Variants in PREX1 observed in about 807,000 individuals in gnomAD.
The protein encoded by PREX1 is phosphatidylinositol-3,4,5-trisphosphate dependent Rac exchange factor 1.
A neutral mutation model predicts 198.3 loss-of-function variants in PREX1; 41 were observed. That is an observed-to-expected ratio of 0.21 (90% CI 0.16 to 0.27). The LOEUF (loss-of-function observed/expected upper bound fraction) is 0.27. Ranked by LOEUF, PREX1 falls within the 10% of genes least tolerant of loss-of-function variation. The pLI is 1.00. For synonymous variants in PREX1, 843 were observed against 887.2 expected (o/e 0.95, Z 0.89); for missense variants, 1,620 against 2,200.7 (o/e 0.74, Z 5.28).
chr20:48,683,315 A>G (rs536804434), intron 10 of PREX1, among the ~76,000 whole-genome samples: 15 of 152,356 alleles, frequency 9.8e-5, no homozygotes, highest in African/African-American at 3.4e-4. Context: ...CCCAGAGGAC[A>G]GCAACTCTGC....
At chr20:48,830,883 C>A (rs577165170), upstream of PREX1, among the ~76,000 whole-genome samples, 70 of 152,310 alleles carry the variant, frequency 4.6e-4, no homozygotes, top group African/African-American at 1.3e-3. Context: ...TAAGTGAAGT[C>A]TTTTACAATG....
At chr20:48,750,993 T>C (rs1215413360) in intron 1 of PREX1, among the ~76,000 whole-genome samples, 11 of 152,162 alleles carry the variant, frequency 7.2e-5, no homozygotes, top group Admixed American at 7.2e-4. Flanking sequence ...TGTCATGGGA[T>C]AAAGTGAATG....
At chr20:48,668,388 T>C (rs970415766) in intron 14 of PREX1, among the ~76,000 whole-genome samples, 4 of 152,206 alleles carry the variant, frequency 2.6e-5, no homozygotes, top group African/African-American at 2.4e-5. Context: ...CCCTGCTCAA[T>C]AGCTGTCTGC....
At chr20:48,886,967 A>G in the PREX1 span, among the ~76,000 whole-genome samples, 1 of 152,180 alleles carries the variant, frequency 6.6e-6, no homozygotes. Context: ...CCCTTTAGCA[A>G]TATAGTATCT....
intron 1 of PREX1, among the ~76,000 whole-genome samples, chr20:48,754,017 C>T (rs181141758): frequency 6.6e-6 from 1 of 152,308 alleles, no homozygotes; most frequent in East Asian, 1.9e-4. Context: ...GTCTACGCAG[C>T]GCCTGGGACA....
intron 1 of PREX1, among the ~76,000 whole-genome samples, chr20:48,775,876 G>A (rs1039513342): frequency 5.3e-5 from 8 of 152,098 alleles, no homozygotes; most frequent in East Asian, 3.9e-4. Flanking sequence ...GCCCAGTGTC[G>A]GGTATGTCTT....
intron 1 of PREX1, among the ~76,000 whole-genome samples, chr20:48,752,457 G>A (rs944739904): frequency 6.6e-6 from 1 of 151,920 alleles, no homozygotes; most frequent in African/African-American, 2.4e-5. Context: ...ACACCACATC[G>A]AGCTGCCAGC....
At chr20:48,819,306 A>G (rs1187485173) in intron 1 of PREX1, among the ~76,000 whole-genome samples, 1 of 152,048 alleles carries the variant, frequency 6.6e-6, no homozygotes. Context: ...CTGTTCCTCA[A>G]ACAAGCCTGG....
chr20:48,841,037 C>A, the PREX1 span, among the ~76,000 whole-genome samples: 1 of 151,984 alleles, frequency 6.6e-6, no homozygotes, highest in Non-Finnish European at 1.5e-5. Flanking sequence ...TAGGCTCAAG[C>A]CTTAGCCTCC....
upstream of PREX1, among the ~76,000 whole-genome samples, chr20:48,830,806 ATAAAGTCGTTGCAAG>A (rs2090535660): frequency 6.6e-6 from 1 of 152,208 alleles, no homozygotes; most frequent in Admixed American, 6.5e-5. Context: ...TACCTACATC[ATAAAGTCGTTGCAAG>A]GTTCCTGAGT....
At chr20:48,699,526 C>T (rs1307101097) in intron 7 of PREX1, among the ~76,000 whole-genome samples, 1 of 152,070 alleles carries the variant, frequency 6.6e-6, no homozygotes, top group Non-Finnish European at 1.5e-5. Flanking sequence ...CCTAATTTCC[C>T]CTCTCTCCAA....
the PREX1 span, among the ~76,000 whole-genome samples, chr20:48,844,756 C>A: frequency 6.6e-6 from 1 of 152,150 alleles, no homozygotes; most frequent in Non-Finnish European, 1.5e-5. Flanking sequence ...GCCGAATTAC[C>A]CAACCCTGGG....
chr20:48,861,290 T>G, the PREX1 span, among the ~76,000 whole-genome samples: 4 of 152,332 alleles, frequency 2.6e-5, no homozygotes, highest in African/African-American at 9.6e-5. Context: ...TCCCTGGACC[T>G]CAGTTTCCCA....
chr20:48,642,789 G>A (rs899410203), intron 27 of PREX1: 33 of 272,038 alleles, frequency 1.2e-4, no homozygotes, highest in African/African-American at 6.8e-4. Context: ...TGGAGGCCAC[G>A]TCTCCTGATT....
At chr20:48,683,873 G>C (rs558186918) in intron 10 of PREX1, among the ~76,000 whole-genome samples, 1 of 152,274 alleles carries the variant, frequency 6.6e-6, no homozygotes, top group Non-Finnish European at 1.5e-5. Flanking sequence ...GTACAGGGGA[G>C]AGTGTTCTGG....
intron 34 of PREX1, 39 bp downstream of exon 34, chr20:48,632,457 G>A (rs368943088): frequency 1.1e-5 from 17 of 1,613,320 alleles, no homozygotes; most frequent in Admixed American, 6.7e-5. Flanking sequence ...GCCTTGGCCC[G>A]GCCCCCGTGG....
At position 48,726,319 on chromosome 20, in the gene PREX1, T is replaced by G. The variant is rs1184561126; in HGVS notation, c.592A>C (p.Arg198=). The change falls in exon 5 of 40, where the codon AGG becomes CGG. Residue 198 remains arginine (R), a synonymous_variant. Coordinates refer to ENST00000371941, the MANE Select transcript of PREX1 (RefSeq NM_020820.4). The stretch of plus-strand genomic sequence containing the variant: ...AGGAGGAGCGGGTACTTGCAGATCC[T>G]CTGGATCGGAGACAACAGGTAGCCT... ...LEGYLLSPIQ[R]ICKYPLLLKE... is the part of the protein sequence containing the mutation. The G allele has an allele frequency of 6.2e-7, 1 of 1,613,924 alleles. No individual in the cohort carries two copies. The highest frequency in any genetic ancestry group is 1.1e-5 in the South Asian group (1 of 90,950).
chr20:48,644,568 C>T, intron 26 of PREX1, 71 bp from the exon 27 acceptor site: 2 of 1,380,556 alleles, frequency 1.4e-6, no homozygotes, highest in Non-Finnish European at 1.0e-6. Context: ...ACCCAAAACC[C>T]ACTTTCTACA....
chr20:48,642,051 T>C, intron 29 of PREX1, 117 bp downstream of exon 29: 1 of 1,065,770 alleles, frequency 9.4e-7, no homozygotes, highest in Non-Finnish European at 1.4e-6. Flanking sequence ...GCTGTCCTGA[T>C]GATCCTACAG....
Sources: gnomAD v4.1 joint callset for allele counts (sites outside exome capture counted in the v4.1 genomes callset) on GRCh38, gnomAD v4.1.1 for gene constraint, MANE v1.5 for transcripts, NCBI Gene and HGNC (gene_info 2026-07-23, HGNC 2026-07-21) for gene names.